AUTS2: variants seen among roughly 807,000 people sequenced by gnomAD.
AUTS2 encodes autism susceptibility gene 2 protein.
Under a neutral mutation model 112.4 loss-of-function variants are expected in AUTS2, and 17 were observed. That is an observed-to-expected ratio of 0.15 (90% CI 0.10 to 0.23). The LOEUF (loss-of-function observed/expected upper bound fraction) is 0.23. Ranked by LOEUF, AUTS2 falls within the 10% of genes least tolerant of loss-of-function variation. The pLI is 1.00. For synonymous variants in AUTS2, 751 were observed against 702.7 expected, an observed-to-expected ratio of 1.07 and a Z score of -1.09; for missense variants, 1,510 against 1,701.6, an observed-to-expected ratio of 0.89 and a Z score of 1.98.
chr7:70,177,367 A>T (rs1809045647), intron 4 of AUTS2, among the ~76,000 whole-genome samples: 1 of 151,972 alleles, frequency 6.6e-6, no homozygotes, highest in African/African-American at 2.4e-5. Flanking sequence ...TGGCCGAGCC[A>T]TGATTTGAAC....
At chr7:69,724,703 TG>T (rs1342098641) in intron 1 of AUTS2, among the ~76,000 whole-genome samples, 1 of 152,218 alleles carries the variant, frequency 6.6e-6, no homozygotes, top group Non-Finnish European at 1.5e-5. Flanking sequence ...TAGTGATCAT[TG>T]TCCCCCCTTT....
intron 5 of AUTS2, among the ~76,000 whole-genome samples, chr7:70,498,817 G>A (rs1336380185): frequency 6.6e-6 from 1 of 152,136 alleles, no homozygotes. Flanking sequence ...AGATAGAAGG[G>A]GAGTATTCAC....
At chr7:70,551,584 G>T (rs975361846) in intron 5 of AUTS2, among the ~76,000 whole-genome samples, 6 of 152,120 alleles carry the variant, frequency 3.9e-5, no homozygotes, top group Non-Finnish European at 8.8e-5. Flanking sequence ...AAGGAAATTT[G>T]AAGAAACTGC....
chr7:69,937,658 CTG>C (rs1186879750), intron 2 of AUTS2, among the ~76,000 whole-genome samples: 1 of 152,180 alleles, frequency 6.6e-6, no homozygotes. Flanking sequence ...TTTCATGTCC[CTG>C]AGTACAATAT....
intron 5 of AUTS2, among the ~76,000 whole-genome samples, chr7:70,519,080 A>G (rs530424985): frequency 6.6e-6 from 1 of 152,266 alleles, no homozygotes; most frequent in African/African-American, 2.4e-5. Flanking sequence ...CAAAACACTA[A>G]AAGCCTTTAT....
intron 1 of AUTS2, among the ~76,000 whole-genome samples, chr7:69,615,669 T>C (rs1793334103): frequency 6.6e-6 from 1 of 152,184 alleles, no homozygotes; most frequent in African/African-American, 2.4e-5. Flanking sequence ...TCTTATTTTG[T>C]TTAGTATGGT....
rs778785768 is a variant in AUTS2 at position 69,599,797 on chromosome 7, C to T, written c.144C>T (p.Leu48=). The change falls in exon 1 of 19, where the codon CTC becomes CTT. Residue 48 remains leucine, a synonymous_variant. Coordinates refer to ENST00000342771, the MANE Select transcript of AUTS2 (RefSeq NM_015570.4). This position sits in a 1 kb window ranked among gnomAD's most constrained non-coding sequence, Gnocchi z 7.0. ...CTGGCCGGACCCGGGCGCTCTCACT[C>T]GCCTCGTCGTCGGGCTCCGACAAGG... ...GGAGRTRALS[L]ASSSGSDKED... is the part of the protein sequence containing the mutation. 3 of 1,586,172 alleles carry T rather than the reference C, an allele frequency of 1.9e-6. No individual in the cohort carries two copies. In the East Asian group the frequency reaches 7.1e-5, roughly 37 times the overall value.
At chr7:70,100,442 T>A (rs1049795317) in intron 2 of AUTS2, among the ~76,000 whole-genome samples, 38 of 151,484 alleles carry the variant, frequency 2.5e-4, no homozygotes, top group East Asian at 9.7e-4. Context: ...TTTTTTTTTT[T>A]AAATACTTTA....
At chr7:70,252,892 C>T (rs1278851848) in intron 4 of AUTS2, among the ~76,000 whole-genome samples, 2 of 152,098 alleles carry the variant, frequency 1.3e-5, no homozygotes, top group East Asian at 3.8e-4. Flanking sequence ...AATCAGCTAA[C>T]CAAAAGTGTG....
In AUTS2 at chr7:70,151,762, G is replaced by A. The variant is rs192595964; in HGVS notation, c.660+17191G>A. The stretch of plus-strand genomic sequence containing the variant: ...CCACCACACCCTGCCCTCCCAGCAC[G>A]TTTAAAATGTGAGTTCTGATAGGGT... On this transcript the variant is annotated intron_variant, in intron 4 of 18. Transcript: ENST00000342771. Among the ~76,000 whole-genome samples the A allele has an allele frequency of 2.5e-4, 38 of 152,100 alleles. 1 individual carries two copies. The highest frequency in any genetic ancestry group is 6.8e-3 in the Middle Eastern group (2 of 294).
At chr7:70,778,494 C>A (rs6959590) in intron 14 of AUTS2, among the ~76,000 whole-genome samples, 1 of 151,462 alleles carries the variant, frequency 6.6e-6, no homozygotes, top group Non-Finnish European at 1.5e-5. Flanking sequence ...TCCAGTCACT[C>A]TAGAGGCTGA....
At chr7:69,820,297 A>G (rs1481941754) in intron 1 of AUTS2, among the ~76,000 whole-genome samples, 1 of 152,260 alleles carries the variant, frequency 6.6e-6, no homozygotes, top group African/African-American at 2.4e-5. Flanking sequence ...TCCAGACTCC[A>G]GAGATGCTTT....
At chr7:70,656,040 T>C (rs887011504) in intron 5 of AUTS2, among the ~76,000 whole-genome samples, 13 of 152,154 alleles carry the variant, frequency 8.5e-5, no homozygotes, top group Non-Finnish European at 1.9e-4. Flanking sequence ...TTGTGTGTTA[T>C]CCACCCAGCC....
At chr7:70,150,921 A>G (rs1320390463) in intron 4 of AUTS2, among the ~76,000 whole-genome samples, 4 of 152,216 alleles carry the variant, frequency 2.6e-5, no homozygotes, top group South Asian at 2.1e-4. Flanking sequence ...ACATGACACA[A>G]TGGTTTGCAT....
chr7:70,192,554 A>T (rs1809958698), intron 4 of AUTS2, among the ~76,000 whole-genome samples: 1 of 152,206 alleles, frequency 6.6e-6, no homozygotes, highest in Non-Finnish European at 1.5e-5. Context: ...AGGGGGCCAG[A>T]GCATGAAATA....
chr7:69,897,765 A>T (rs1014033130), intron 1 of AUTS2, among the ~76,000 whole-genome samples: 18 of 152,154 alleles, frequency 1.2e-4, no homozygotes, highest in African/African-American at 3.9e-4. Context: ...TCAGAAAAAA[A>T]ATATATTCTG....
chr7:70,299,223 G>A, intron 4 of AUTS2, among the ~76,000 whole-genome samples: 1 of 152,022 alleles, frequency 6.6e-6, no homozygotes, highest in East Asian at 1.9e-4. Flanking sequence ...CTTTTGTAAT[G>A]CACCATGTTT....
intron 6 of AUTS2, among the ~76,000 whole-genome samples, chr7:70,757,558 G>A (rs192780220): frequency 6.6e-6 from 1 of 152,134 alleles, no homozygotes; most frequent in East Asian, 1.9e-4. Flanking sequence ...GGATTATTGA[G>A]TACTTTTTCC....
intron 4 of AUTS2, among the ~76,000 whole-genome samples, chr7:70,268,956 A>G (rs1397822381): frequency 6.6e-6 from 1 of 152,188 alleles, no homozygotes; most frequent in African/African-American, 2.4e-5. Flanking sequence ...GTCACCTGGA[A>G]GAAGATCCTG....
Sources: gnomAD v4.1 joint callset for allele counts (sites outside exome capture counted in the v4.1 genomes callset) on GRCh38, gnomAD v4.1.1 for gene constraint, Gnocchi (gnomAD v3.1) non-coding constraint, MANE v1.5 for transcripts, NCBI Gene and HGNC (gene_info 2026-07-23, HGNC 2026-07-21) for gene names.